Variants in ARHGAP8 observed in about 807,000 individuals in gnomAD.
ARHGAP8 encodes rho GTPase-activating protein 8.
Under a neutral mutation model 46.1 loss-of-function variants are expected in ARHGAP8, and 62 were observed. The ratio of observed to expected loss-of-function variants is 1.34; its 90% CI spans 1.10 to 1.66. The LOEUF is 1.66. ARHGAP8 is among the 40% of genes most tolerant of loss of function. The pLI, the probability that ARHGAP8 is intolerant of heterozygous loss-of-function variation, is 0.00. For missense variants in ARHGAP8, 923 were observed against 568.4 expected (o/e 1.62, Z -6.34); for synonymous variants, 375 against 243.1 (o/e 1.54, Z -5.05).
chr22:44,852,996 A>G (rs1367332802), intron 10 of ARHGAP8, among the ~76,000 whole-genome samples: 1 of 152,052 alleles, frequency 6.6e-6, no homozygotes, highest in Non-Finnish European at 1.5e-5. Flanking sequence ...TAGAGACAGC[A>G]TTTCACTGTG....
At chr22:44,809,686 G>A (rs776928352) in intron 4 of ARHGAP8, 11 of 157,342 alleles carry the variant, frequency 7.0e-5, no homozygotes, top group Admixed American at 1.3e-4. Context: ...CCTGAGGGAC[G>A]TCCGGCCTAA....
chr22:44,763,626 G>A (rs1002317004), intron 1 of ARHGAP8, among the ~76,000 whole-genome samples: 1 of 151,946 alleles, frequency 6.6e-6, no homozygotes, highest in African/African-American at 2.4e-5. Context: ...GACTGAAAAG[G>A]GAATCGGAAG....
chr22:44,801,437 G>T (rs1412946052), intron 2 of ARHGAP8, among the ~76,000 whole-genome samples: 4 of 130,392 alleles, frequency 3.1e-5, no homozygotes, highest in Middle Eastern at 5.6e-3. Flanking sequence ...ATGTGTGGGG[G>T]CACCTCTCCC....
At chr22:44,781,437 A>G (rs943846597) in intron 1 of ARHGAP8, among the ~76,000 whole-genome samples, 3 of 152,254 alleles carry the variant, frequency 2.0e-5, no homozygotes, top group Admixed American at 6.5e-5. Context: ...GACCTGCCTC[A>G]TCCTGTTTCC....
intron 7 of ARHGAP8, among the ~76,000 whole-genome samples, chr22:44,839,325 C>T (rs529428618): frequency 1.3e-5 from 2 of 152,300 alleles, no homozygotes; most frequent in South Asian, 2.1e-4. Flanking sequence ...GTGTCCCCAA[C>T]GTGAAGCTTC....
At chr22:44,762,864 T>C (rs555166725) in intron 1 of ARHGAP8, among the ~76,000 whole-genome samples, 2 of 152,204 alleles carry the variant, frequency 1.3e-5, no homozygotes, top group Admixed American at 1.3e-4. Flanking sequence ...CTCTTGACCG[T>C]ACCTGAGTTT....
chr22:44,825,567 A>G lies in ARHGAP8; in HGVS notation c.570A>G (p.Thr190=), dbSNP rs1185514993. Residue 190 remains threonine (T), a synonymous_variant, in exon 7 of 12, where the codon ACA becomes ACG. Transcript: ENST00000356099. ...KTPPPRPPLP[T]QQFGVSLQYL... Reference sequence around the variant, plus strand: ...CACCGCCGCGGCCCCCGCTGCCCACACAGCAGTTTGGCGTCAGTCTGCAAT... The same window carrying G: ...CACCGCCGCGGCCCCCGCTGCCCACGCAGCAGTTTGGCGTCAGTCTGCAAT... The G allele has an allele frequency of 2.5e-6, 4 of 1,612,972 alleles. No individual in the cohort carries two copies. Among genetic ancestry groups the G allele is most frequent in the South Asian group, 1.1e-5 (1 of 90,994 alleles).
intron 2 of ARHGAP8, among the ~76,000 whole-genome samples, chr22:44,794,658 C>T (rs1180995788): frequency 1.3e-5 from 2 of 151,896 alleles, no homozygotes; most frequent in Non-Finnish European, 2.9e-5. Flanking sequence ...TGCTGTGAGC[C>T]GAGATTGGGC....
rs780014977 is a variant in ARHGAP8, at chr22:44,822,399, T to C, written c.415T>C (p.Phe139Leu). ...CAAGTTTGGGAAGAAAGTCATCTAT[T>C]TCAACTACCTGAGTGAGCTCCACGA... ...SHKFGKKVIY[F>L]NYLSELHEHL... Residue 139 changes from phenylalanine (F) to leucine (L), a missense_variant, in exon 6 of 12, where the codon TTC becomes CTC. Transcript: ENST00000356099. 1 of 1,583,796 alleles carries C rather than the reference T, an allele frequency of 6.3e-7. No homozygotes were observed. The highest frequency in any genetic ancestry group is 2.3e-5 in the East Asian group (1 of 42,990).
At position 44,862,565 on chromosome 22, in the gene ARHGAP8, T is replaced by G. The variant is rs1308606284; in HGVS notation, c.1272T>G (p.Ser424Arg). 2.5e-6 allele frequency: 4 copies of G among 1,593,510 alleles called. No individual in the cohort carries two copies. The highest frequency in any genetic ancestry group is 1.3e-5 in the African/African-American group (1 of 74,410). The part of the protein sequence containing the change: ...TGLTKPTLPP[S>R]PLMAARRRL ...TCACCAAGCCTACCCTACCTCCGAG[T>G]CCCCTGATGGCAGCCAGAAGACGTC... The change falls in exon 12 of 12, where the codon AGT becomes AGG. Residue 424 changes from serine (S) to arginine (R), a missense_variant. By Grantham distance (110) the Ser-to-Arg change is moderately radical. Coordinates refer to ENST00000356099, the MANE Select transcript of ARHGAP8 (RefSeq NM_181335.3).
Position 44,856,939 on chromosome 22 carries a change from G to T in ARHGAP8, c.878-2792G>T, listed in dbSNP as rs1393692685. On this transcript the variant is annotated intron_variant, in intron 10 of 11. Transcript: ENST00000356099. ...AAATCTGGGAGGCTGACTTGAGTAA[G>T]AATTCTTTTTTTTTTTTTGAGACGG... Among the ~76,000 whole-genome samples the T allele has an allele frequency of 7.2e-5, 10 of 139,196 alleles. 1 individual carries two copies. In the East Asian group the frequency reaches 2.0e-3, roughly 28 times the overall value. The allele number at this position is 139,196 out of a possible 152,430, so 91.3% of individuals were successfully genotyped here.
intron 1 of ARHGAP8, among the ~76,000 whole-genome samples, chr22:44,758,522 G>T (rs771164760): frequency 2.6e-5 from 4 of 152,162 alleles, no homozygotes; most frequent in African/African-American, 4.8e-5. Flanking sequence ...GATTTGAATT[G>T]AGACTGAGTC....
chr22:44,830,249 C>T (rs1184718560), intron 7 of ARHGAP8, among the ~76,000 whole-genome samples: 1 of 152,044 alleles, frequency 6.6e-6, no homozygotes, highest in Non-Finnish European at 1.5e-5. Flanking sequence ...GTCGCAAAGT[C>T]CTGACCTCAG....
intron 5 of ARHGAP8, among the ~76,000 whole-genome samples, chr22:44,820,770 C>T (rs1414952167): frequency 6.6e-6 from 1 of 152,180 alleles, no homozygotes; most frequent in Non-Finnish European, 1.5e-5. Flanking sequence ...CCCTCAGCCC[C>T]CGGGTCCGAT....
Position 44,825,678 on chromosome 22 carries a change from C to T in ARHGAP8, c.596+85C>T, listed in dbSNP as rs140934149. The T allele has an allele frequency of 4.1e-5, 60 of 1,454,368 alleles. No individual in the cohort carries two copies. In the African/African-American group the frequency reaches 5.4e-4, roughly 13 times the overall value. The allele number at this position is 1,454,368 out of a possible 1,614,324, so 90.1% of individuals were successfully genotyped here. A position where few individuals can be genotyped will look rare whatever the true frequency, so the allele number is the denominator to read the frequency against. On this transcript the variant is annotated intron_variant, in intron 7 of 11. Coordinates refer to ENST00000356099, the MANE Select transcript of ARHGAP8 (RefSeq NM_181335.3). ...CTTCTGGGTCCAGAAATATTTTCCC[C>T]AGACGTTTGTCTCCAGCAGCCAAGC... is the stretch of plus-strand genomic sequence containing the variant.
chr22:44,832,952 C>A (rs956640727), intron 7 of ARHGAP8, among the ~76,000 whole-genome samples: 5 of 150,872 alleles, frequency 3.3e-5, no homozygotes, highest in Middle Eastern at 3.2e-3. Context: ...CATAGCAAGA[C>A]CCTGTGTCTA....
chr22:44,764,983 C>T (rs1160782762), intron 1 of ARHGAP8, among the ~76,000 whole-genome samples: 2 of 152,204 alleles, frequency 1.3e-5, no homozygotes, highest in Non-Finnish European at 2.9e-5. Context: ...AACAAATCAT[C>T]CCATCAGTGG....
Position 44,847,985 on chromosome 22 carries a change from A to AG in ARHGAP8, c.686dup (p.Leu230ProfsTer27). ...TCCTCTCCTGCAGGCCTGCGCACCG[A>AG]GGGCCTGTTCCGGAGATCCGCCAGC... is the stretch of plus-strand genomic sequence containing the variant. On this transcript the variant is annotated frameshift_variant, in exon 9 of 12. Coordinates refer to ENST00000356099, the MANE Select transcript of ARHGAP8 (RefSeq NM_181335.3). LOFTEE classifies it high-confidence loss of function. 1 of 1,607,932 alleles carries AG rather than the reference A, an allele frequency of 6.2e-7. No homozygotes were observed. Among genetic ancestry groups the AG allele is most frequent in the Non-Finnish European group, 8.5e-7 (1 of 1,179,920 alleles).
In ARHGAP8 at chr22:44,848,979, G is replaced by T. The variant is rs775279290; in HGVS notation, c.796G>T (p.Val266Leu). 1 of 1,614,148 alleles carries T rather than the reference G, an allele frequency of 6.2e-7. No homozygotes were observed. Among genetic ancestry groups the T allele is most frequent in the Non-Finnish European group, 8.5e-7 (1 of 1,180,042 alleles). Residue 266 changes from valine (V) to leucine (L), a missense_variant, in exon 10 of 12, where the codon GTG becomes TTG. Transcript: ENST00000356099. ...DDYGDIHIPA[V>L]ILKTFLRELP... ...CTACGGGGACATTCACATCCCTGCC[G>T]TGATCCTGAAGACCTTCCTGCGAGA... is the stretch of plus-strand genomic sequence containing the variant.
Sources: allele counts gnomAD v4.1 joint callset (sites outside exome capture counted in the v4.1 genomes callset), GRCh38; gene constraint gnomAD v4.1.1; transcripts MANE v1.5; gene names NCBI Gene and HGNC (gene_info 2026-07-23, HGNC 2026-07-21).